Variants in MIA2 observed in about 807,000 individuals in gnomAD.
MIA2 encodes melanoma inhibitory activity protein 2.
Under a neutral mutation model 167.8 loss-of-function variants are expected in MIA2, and 127 were observed. That is an observed-to-expected ratio of 0.76 (90% CI 0.66 to 0.88). The LOEUF (loss-of-function observed/expected upper bound fraction) is 0.88. MIA2 is among the 40% of genes least tolerant of loss of function. The pLI, the probability that MIA2 is intolerant of heterozygous loss-of-function variation, is 0.00. For synonymous variants in MIA2, 552 were observed against 541.9 expected, an observed-to-expected ratio of 1.02 and a Z score of -0.26; for missense variants, 1,690 against 1,624.7, an observed-to-expected ratio of 1.04 and a Z score of -0.69.
At chr14:39,295,195 A>G (rs572526865) in intron 13 of MIA2, among the ~76,000 whole-genome samples, 166 bp downstream of exon 13, 5 of 152,300 alleles carry the variant, frequency 3.3e-5, no homozygotes, top group African/African-American at 1.2e-4. Flanking sequence ...TTTGTATAGT[A>G]TACAAAAGTG....
chr14:39,361,445 T>C (rs1255455895), intron 23 of MIA2, among the ~76,000 whole-genome samples: 3 of 151,376 alleles, frequency 2.0e-5, no homozygotes, highest in East Asian at 1.9e-4. Context: ...TGGTTTTTTT[T>C]TTTTTTTCCT....
chr14:39,340,362 T>TA (rs1186420797), intron 25 of MIA2, among the ~76,000 whole-genome samples: 2 of 152,204 alleles, frequency 1.3e-5, no homozygotes, highest in Non-Finnish European at 2.9e-5. Flanking sequence ...CTCTTTTTCT[T>TA]AAAGAGCTGA....
At chr14:39,387,766 C>T (rs1412905014) in exon 24 of MIA2, 4 of 152,190 alleles carry the variant, frequency 2.6e-5, no homozygotes, top group Admixed American at 6.5e-5. Flanking sequence ...TCACTGTTGT[C>T]TCATTTAAGA....
intron 6 of MIA2, chr14:39,265,279 T>C (rs899937462): frequency 2.4e-5 from 20 of 821,882 alleles, no homozygotes; most frequent in African/African-American, 2.1e-4. Context: ...GGGATCACAG[T>C]GTGGAAACAG....
intron 23 of MIA2, 113 bp from the exon 24 acceptor site, chr14:39,320,815 A>T: frequency 8.8e-7 from 1 of 1,133,362 alleles, no homozygotes; most frequent in Non-Finnish European, 1.3e-6. Context: ...GACATAGATT[A>T]AACTTAAATT....
chr14:39,282,180 G>A (rs1413814183), intron 9 of MIA2, among the ~76,000 whole-genome samples: 2 of 152,164 alleles, frequency 1.3e-5, no homozygotes, highest in Non-Finnish European at 2.9e-5. Flanking sequence ...TCTCTCTTCA[G>A]TGAGGATTTA....
chr14:39,265,727 TTGAG>T (rs1246053854), intron 6 of MIA2: 3 of 281,092 alleles, frequency 1.1e-5, no homozygotes, highest in African/African-American at 2.2e-5. Context: ...AGAATTTTTA[TTGAG>T]TAATACAATG....
chr14:39,237,133 T>C, intron 2 of MIA2, 78 bp downstream of exon 2: 1 of 1,528,580 alleles, frequency 6.5e-7, no homozygotes, highest in Non-Finnish European at 8.9e-7. Context: ...TCTTTTCTTT[T>C]TTTTGGAAAC....
intron 23 of MIA2, among the ~76,000 whole-genome samples, chr14:39,381,291 C>G (rs905850801): frequency 6.6e-6 from 1 of 152,086 alleles, no homozygotes; most frequent in Non-Finnish European, 1.5e-5. Flanking sequence ...GAAATAAAAC[C>G]TTTTTCTCAA....
chr14:39,276,723 C>T, intron 6 of MIA2: 1 of 489,368 alleles, frequency 2.0e-6, no homozygotes, highest in Non-Finnish European at 3.7e-6. Flanking sequence ...TGTAGAACTC[C>T]AGTTTGAAGA....
chr14:39,369,406 T>G (rs1054264499), intron 23 of MIA2, among the ~76,000 whole-genome samples: 4 of 152,222 alleles, frequency 2.6e-5, no homozygotes, highest in African/African-American at 9.6e-5. Flanking sequence ...TACCTACAAT[T>G]AGGTATTCTA....
At chr14:39,371,280 C>T (rs760044660) in intron 23 of MIA2, among the ~76,000 whole-genome samples, 5 of 151,840 alleles carry the variant, frequency 3.3e-5, no homozygotes, top group Non-Finnish European at 5.9e-5. Flanking sequence ...GGAATGTATT[C>T]CCAGAATTGG....
chr14:39,360,314 C>T (rs546985268), intron 23 of MIA2, among the ~76,000 whole-genome samples: 26 of 152,260 alleles, frequency 1.7e-4, no homozygotes, highest in African/African-American at 6.0e-4. Flanking sequence ...GCCATTCTAA[C>T]TGTGGTAAGA....
rs200246914 is a variant in MIA2 at position 39,348,891 on chromosome 14, C to T, written c.3986C>T (p.Pro1329Leu). ...PFLRRGPPFP[P>L]PPPGAMFGAS... is the part of the protein sequence containing the mutation. ...TTGAGAAGAGGACCTCCTTTCCCCCCACCTCCTCCAGGAGCCATGTTTGGA... is the reference window on the plus strand; with the variant it reads ...TTGAGAAGAGGACCTCCTTTCCCCCTACCTCCTCCAGGAGCCATGTTTGGA... Residue 1329 changes from proline (P) to leucine (L), a missense_variant, in exon 28 of 29, where the codon CCA (proline) becomes CTA (leucine). Transcript: ENST00000640607. 2 of 1,614,142 alleles carry T rather than the reference C, an allele frequency of 1.2e-6. No homozygotes were observed. Among genetic ancestry groups the T allele is most frequent in the Non-Finnish European group, 1.7e-6 (2 of 1,180,018 alleles).
At chr14:39,378,321 A>G (rs1251928403) in intron 23 of MIA2, among the ~76,000 whole-genome samples, 12 of 152,354 alleles carry the variant, frequency 7.9e-5, no homozygotes, top group Non-Finnish European at 1.5e-4. Flanking sequence ...CATCCCATGC[A>G]GTTAACTCCT....
rs1239051902 is a variant in MIA2 at position 39,234,045 on chromosome 14, T to C, written c.-70T>C. The C allele has an allele frequency of 1.1e-6, 1 of 889,184 alleles. No individual in the cohort carries two copies. Among genetic ancestry groups the C allele is most frequent in the Non-Finnish European group, 1.8e-6 (1 of 569,076 alleles). 55.1% of individuals were successfully genotyped at this position (889,184 alleles called of 1,614,324 possible). A position where few individuals can be genotyped will look rare whatever the true frequency, so the allele number is the denominator to read the frequency against. On this transcript the variant is annotated 5_prime_UTR_variant, in exon 1 of 29. Transcript: ENST00000640607. ...GAAGAGAGTAGAATATCTCCAGTTT[T>C]GGCTGACATCTCTACAACCTGAACA...
intron 6 of MIA2, among the ~76,000 whole-genome samples, chr14:39,275,066 C>T (rs1250950921): frequency 7.7e-6 from 1 of 130,138 alleles, no homozygotes. Context: ...CAGAGTGAGA[C>T]TCCGTCTCAA....
chr14:39,284,141 G>A (rs756346630), intron 9 of MIA2, among the ~76,000 whole-genome samples: 10 of 152,094 alleles, frequency 6.6e-5, no homozygotes, highest in Non-Finnish European at 1.5e-4. Context: ...GCCAGTGTCA[G>A]GGAGCTTTTT....
At chr14:39,356,518 T>G (rs2074530492) in intron 23 of MIA2, among the ~76,000 whole-genome samples, 5 of 152,208 alleles carry the variant, frequency 3.3e-5, no homozygotes, top group Admixed American at 3.3e-4. Context: ...CTGGATTCAC[T>G]GATTTTTTTG....
Sources: allele counts gnomAD v4.1 joint callset (sites outside exome capture counted in the v4.1 genomes callset), GRCh38; gene constraint gnomAD v4.1.1; transcripts MANE v1.5; gene names NCBI Gene and HGNC (gene_info 2026-07-23, HGNC 2026-07-21).